CTBP1: variants seen among roughly 807,000 people sequenced by gnomAD.
CTBP1 encodes C-terminal-binding protein 1.
Under a neutral mutation model 42.1 loss-of-function variants are expected in CTBP1, and 11 were observed. The observed-to-expected ratio is 0.26, with a 90% CI of 0.16 to 0.43. The LOEUF is 0.43. CTBP1 is among the 20% of genes least tolerant of loss of function. The probability of loss-of-function intolerance (pLI) is 1.00; values close to 1 mark genes in which losing one functional copy is unlikely to be tolerated. For missense variants in CTBP1, 399 were observed against 624.3 expected, an observed-to-expected ratio of 0.64 and a Z score of 3.85; for synonymous variants, 324 against 277.1, an observed-to-expected ratio of 1.17 and a Z score of -1.68.
rs573364263 is a variant in CTBP1 at position 1,232,720 on chromosome 4, G to A, written c.163-4377C>T. ...ATGTTCTGTATTGTCATAACCTCAG[G>A]TAATAAACACATTCTCTTGCAAGCG... On this transcript the variant is annotated intron_variant, in intron 3 of 9. Coordinates refer to ENST00000382952, the MANE Select transcript of CTBP1 (RefSeq NM_001012614.2). 5.6e-4 allele frequency among the ~76,000 whole-genome samples: 85 copies of A among 152,304 alleles called. 1 individual carries two copies. The South Asian group carries it at 0.017, about 31-fold the overall frequency.
intron 5 of CTBP1, among the ~76,000 whole-genome samples, chr4:1,220,905 C>G (rs1389771216): frequency 6.6e-6 from 1 of 152,206 alleles, no homozygotes; most frequent in African/African-American, 2.4e-5. Flanking sequence ...CCGGATGACC[C>G]TGGGGTAAAC....
At chr4:1,243,026 T>C (rs1273507579) in intron 1 of CTBP1, 8 of 985,274 alleles carry the variant, frequency 8.1e-6, no homozygotes, top group Admixed American at 6.1e-5. Flanking sequence ...CCAAACTCAT[T>C]GATACGGGCC....
intron 5 of CTBP1, among the ~76,000 whole-genome samples, chr4:1,222,182 T>G (rs989520248): frequency 2.0e-5 from 3 of 151,798 alleles, no homozygotes; most frequent in African/African-American, 7.3e-5. Flanking sequence ...GAGGGTGGGA[T>G]GGGGCTCAGG....
At chr4:1,248,640 C>T (rs1310958562) in intron 1 of CTBP1, 36 of 979,674 alleles carry the variant, frequency 3.7e-5, no homozygotes, top group Non-Finnish European at 4.4e-5. Context: ...GCCCAGAGGC[C>T]CACAGGCCCT....
chr4:1,214,772 C>A (rs113696096), intron 6 of CTBP1, among the ~76,000 whole-genome samples: 2,031 of 152,320 alleles, frequency 0.013, 48 homozygotes, highest in African/African-American at 0.045. Context: ...TGGCTTGGTC[C>A]CCCTGTGGTA....
At chr4:1,249,936 A>G (rs546458356), upstream of CTBP1, 350 of 187,096 alleles carry the variant, frequency 1.9e-3, 1 homozygote, top group Non-Finnish European at 3.5e-3. Flanking sequence ...AAGTCCCTTC[A>G]GGGAGAGGCC....
rs1425281963 is a variant in CTBP1, at chr4:1,248,959, G to A, written c.-232C>T. The A allele has an allele frequency of 2.0e-6, 2 of 1,003,698 alleles. No individual in the cohort carries two copies. Among genetic ancestry groups the A allele is most frequent in the Admixed American group, 5.5e-5 (1 of 18,220 alleles). The allele number at this position is 1,003,698 out of a possible 1,614,324, so 62.2% of individuals were successfully genotyped here. On this transcript the variant is annotated 5_prime_UTR_variant, in exon 1 of 10. Transcript: ENST00000382952. ...TGAGCAAGTGCGAGCTGCCCATCGA[G>A]AGGCGCGAGCGGCCGCGGGCCCCGA... is the stretch of plus-strand genomic sequence containing the variant.
intron 8 of CTBP1, 131 bp from the exon 9 acceptor site, chr4:1,213,161 G>A: frequency 1.2e-6 from 1 of 835,686 alleles, no homozygotes; most frequent in Non-Finnish European, 1.9e-6. Context: ...GGGCTCCCAA[G>A]GCACGGCAGG....
chr4:1,215,117 A>T (rs994647806), intron 6 of CTBP1, among the ~76,000 whole-genome samples: 1 of 152,160 alleles, frequency 6.6e-6, no homozygotes, highest in African/African-American at 2.4e-5. Context: ...ACTGCTGCCC[A>T]TTAAAGCCTC....
rs766411525 is a variant in CTBP1, at chr4:1,214,375, C to T, written c.828G>A (p.Ala276=). The T allele has an allele frequency of 1.5e-5, 24 of 1,566,072 alleles. No individual in the cohort carries two copies. The highest frequency in any genetic ancestry group is 6.0e-5 in the Admixed American group (3 of 50,066). The change falls in exon 7 of 10, where the codon GCG becomes GCA. Residue 276 remains alanine (A), a synonymous_variant. Transcript: ENST00000382952. ...QALKEGRIRG[A]ALDVHESEPF... Reference sequence around the variant, plus strand: ...GTTCCGACTCGTGCACATCCAGGGCCGCGCCGCGGATCCGGCCCTCCTTCA... The same window carrying T: ...GTTCCGACTCGTGCACATCCAGGGCTGCGCCGCGGATCCGGCCCTCCTTCA...
At chr4:1,242,915 G>C (rs1490736893) in intron 1 of CTBP1, 1 of 985,084 alleles carries the variant, frequency 1.0e-6, no homozygotes, top group Non-Finnish European at 1.2e-6. Context: ...ATCAATGCCA[G>C]CCGATACTCA....
intron 9 of CTBP1, 128 bp from the exon 10 acceptor site, chr4:1,212,551 G>A (rs1235358841): frequency 2.4e-5 from 21 of 857,638 alleles, no homozygotes; most frequent in South Asian, 1.6e-4. Flanking sequence ...TAAGGATCCC[G>A]GCCTTTACAC....
intron 1 of CTBP1, chr4:1,242,842 T>G (rs766399099): frequency 3.5e-5 from 34 of 985,220 alleles, no homozygotes; most frequent in Non-Finnish European, 4.1e-5. Context: ...AATGTCACAT[T>G]TCACCCACGA....
rs1730219328 is a variant in CTBP1, at chr4:1,225,378, A to G, written c.496T>C (p.Leu166=). Residue 166 remains leucine (L), a synonymous_variant, in exon 5 of 10, where the codon TTG becomes CTG. Transcript: ENST00000382952. ...SGAARIRGET[L]GIIGLGRVGQ... is the part of the protein sequence containing the mutation. ...GACGCACCAAGTCCGATGATGCCCA[A>G]GGTCTCCCCGCGGATCCTGGCAGCG... The G allele has an allele frequency of 1.3e-6, 2 of 1,563,184 alleles. No homozygotes were observed. Among genetic ancestry groups the G allele is most frequent in the African/African-American group, 1.4e-5 (1 of 73,544 alleles).
intron 5 of CTBP1, among the ~76,000 whole-genome samples, chr4:1,219,249 G>T (rs555872202): frequency 6.6e-6 from 1 of 152,166 alleles, no homozygotes; most frequent in African/African-American, 2.4e-5. Flanking sequence ...CTACTTCGGA[G>T]GCTAAGGCAA....
At chr4:1,242,736 A>G (rs1161218661) in intron 1 of CTBP1, 12 of 985,256 alleles carry the variant, frequency 1.2e-5, no homozygotes, top group Non-Finnish European at 1.4e-5. Context: ...AGCCCCCATG[A>G]CCTGCGCTGC....
Position 1,243,232 on chromosome 4 carries a change from C to G in CTBP1, c.-188-1713G>C, listed in dbSNP as rs529257262. The G allele has an allele frequency of 3.0e-6, 3 of 985,416 alleles. No homozygotes were observed. In the South Asian group the frequency reaches 1.4e-4, roughly 46 times the overall value. 61.0% of individuals were successfully genotyped at this position (985,416 alleles called of 1,614,324 possible). ...GCTGCTCAATGCTTATCTATACTGG[C>G]CAGTACGTGCCCACACCTGTGTCTC... is the stretch of plus-strand genomic sequence containing the variant. On this transcript the variant is annotated intron_variant, in intron 1 of 9. Transcript: ENST00000382952.
rs554985017 is a variant in CTBP1 at position 1,245,601 on chromosome 4, G to A, written c.-189+3315C>T. 136 of 981,976 alleles carry A rather than the reference G, an allele frequency of 1.4e-4. No homozygotes were observed. The South Asian group carries it at 4.5e-3, about 33-fold the overall frequency. The allele number at this position is 981,976 out of a possible 1,614,324, so 60.8% of individuals were successfully genotyped here. The stretch of plus-strand genomic sequence containing the variant: ...CACGGGCGGCAGGGAAGAGTGGCAC[G>A]GGAGGGCAGGGTGACACGGGCGGCA... On this transcript the variant is annotated intron_variant, in intron 1 of 9. Coordinates refer to ENST00000382952, the MANE Select transcript of CTBP1 (RefSeq NM_001012614.2).
intron 5 of CTBP1, among the ~76,000 whole-genome samples, chr4:1,224,111 C>T (rs1052083206): frequency 2.0e-5 from 3 of 152,368 alleles, no homozygotes; most frequent in Admixed American, 6.5e-5. Context: ...ACTCAAGGGG[C>T]GAGCACATGC....
Sources: allele counts gnomAD v4.1 joint callset (sites outside exome capture counted in the v4.1 genomes callset), GRCh38; gene constraint gnomAD v4.1.1; transcripts MANE v1.5; gene names NCBI Gene and HGNC (gene_info 2026-07-23, HGNC 2026-07-21).